The following PHF24 variants were observed in gnomAD, a reference collection of about 807,000 sequenced individuals.
PHF24 encodes the protein PHD finger protein 24, also known as Galpha inhibitory interacting protein.
PHF24 carries 25 observed loss-of-function variants against 42.6 expected under a neutral mutation model. That is an observed-to-expected ratio of 0.59 (90% CI 0.43 to 0.82). PHF24 has a LOEUF of 0.82. Among genes scored for constraint, PHF24 ranks in the 40% least tolerant of loss-of-function variants. The pLI is 0.00. For missense variants in PHF24, 470 were observed against 538.1 expected (o/e 0.87, Z 1.25); for synonymous variants, 185 against 204.8 (o/e 0.90, Z 0.83).
chr9:34,673,061 C>T, the PHF24 span, among the ~76,000 whole-genome samples: 1 of 152,138 alleles, frequency 6.6e-6, no homozygotes, highest in Admixed American at 6.6e-5. Context: ...GAGATCCCTA[C>T]ACAAAAAGAT....
the PHF24 span, among the ~76,000 whole-genome samples, chr9:34,831,596 T>C: frequency 6.6e-6 from 1 of 152,184 alleles, no homozygotes; most frequent in Non-Finnish European, 1.5e-5. Flanking sequence ...CTCCTGGCTC[T>C]AGGCTCATTT....
the PHF24 span, among the ~76,000 whole-genome samples, chr9:34,694,721 G>A: frequency 6.6e-6 from 1 of 152,022 alleles, no homozygotes; most frequent in Non-Finnish European, 1.5e-5. Flanking sequence ...CACCCGCCTC[G>A]GCCTCCCAAA....
At chr9:34,850,029 T>C in the PHF24 span, among the ~76,000 whole-genome samples, 1 of 152,268 alleles carries the variant, frequency 6.6e-6, no homozygotes, top group Non-Finnish European at 1.5e-5. Flanking sequence ...CTGGCTGCCC[T>C]TAACATTTTT....
chr9:34,976,117 G>A (rs1476439248), intron 3 of PHF24, 35 bp from the exon 4 acceptor site: 3 of 1,519,748 alleles, frequency 2.0e-6, no homozygotes, highest in African/African-American at 1.4e-5. Context: ...TTACTGGCCT[G>A]TATGGCCACC....
the PHF24 span, among the ~76,000 whole-genome samples, chr9:34,939,260 C>A: frequency 6.6e-6 from 1 of 152,150 alleles, no homozygotes; most frequent in African/African-American, 2.4e-5. Flanking sequence ...GCCTGGGCAA[C>A]AAGAGCGAAA....
the PHF24 span, among the ~76,000 whole-genome samples, chr9:34,872,427 G>A: frequency 0.95 from 135,353 of 142,012 alleles, 64,690 homozygotes; most frequent in Non-Finnish European, 1. Context: ...TCATTGTTCA[G>A]TTCCCACCTA....
the PHF24 span, among the ~76,000 whole-genome samples, chr9:34,883,589 A>T: frequency 1.3e-5 from 2 of 152,260 alleles, no homozygotes; most frequent in Non-Finnish European, 2.9e-5. Context: ...GAAGACATTT[A>T]TGCAGCCAAC....
chr9:34,910,376 T>C, the PHF24 span, among the ~76,000 whole-genome samples: 3 of 152,200 alleles, frequency 2.0e-5, no homozygotes, highest in Non-Finnish European at 4.4e-5. Context: ...GTGCATACTC[T>C]AGGAATAACT....
the PHF24 span, among the ~76,000 whole-genome samples, chr9:34,866,547 C>T: frequency 2.6e-5 from 4 of 151,972 alleles, no homozygotes; most frequent in Non-Finnish European, 5.9e-5. Context: ...AGAACCAGGG[C>T]CTATAAAAAA....
the PHF24 span, chr9:34,724,358 A>G: frequency 6.4e-7 from 1 of 1,551,014 alleles, no homozygotes; most frequent in Non-Finnish European, 8.7e-7. Flanking sequence ...CTGTTCTTTA[A>G]GGTGAACCCC....
At chr9:34,858,043 A>T in the PHF24 span, among the ~76,000 whole-genome samples, 1 of 147,000 alleles carries the variant, frequency 6.8e-6, no homozygotes. Flanking sequence ...TTTGTCAGAT[A>T]GTTCATAAAT....
the PHF24 span, among the ~76,000 whole-genome samples, chr9:34,703,805 G>C: frequency 6.6e-6 from 1 of 151,652 alleles, no homozygotes; most frequent in African/African-American, 2.4e-5. Context: ...GGCTTAAGCC[G>C]TTCTCCTACC....
chr9:34,727,516 G>A, the PHF24 span, among the ~76,000 whole-genome samples: 3 of 152,190 alleles, frequency 2.0e-5, no homozygotes, highest in South Asian at 6.2e-4. Context: ...AGCTCTTAAG[G>A]AGAGGATAAT....
chr9:34,889,756 C>T, the PHF24 span: 2 of 397,192 alleles, frequency 5.0e-6, no homozygotes, highest in African/African-American at 4.1e-5. Context: ...AAACATGGCC[C>T]TGAACTATTT....
the PHF24 span, among the ~76,000 whole-genome samples, chr9:34,822,560 A>C: frequency 1.3e-5 from 2 of 152,232 alleles, 1 homozygote; most frequent in Non-Finnish European, 2.9e-5. Flanking sequence ...CGTACTTCCA[A>C]GAAAGGCAGG....
the PHF24 span, among the ~76,000 whole-genome samples, chr9:34,751,210 CA>C: frequency 0.29 from 43,856 of 151,852 alleles, 6,787 homozygotes; most frequent in Admixed American, 0.35. Context: ...ACTAAAAATA[CA>C]AAAATTAGCC....
chr9:34,875,946 A>ACTCTCTCT, the PHF24 span, among the ~76,000 whole-genome samples: 10 of 88,988 alleles, frequency 1.1e-4, no homozygotes, highest in African/African-American at 5.0e-4. Context: ...ACACACACAC[A>ACTCTCTCT]CACACTCTCT....
the PHF24 span, among the ~76,000 whole-genome samples, chr9:34,715,687 G>A: frequency 6.6e-6 from 1 of 152,174 alleles, no homozygotes; most frequent in Admixed American, 6.5e-5. Flanking sequence ...GGATAAAGGA[G>A]GTACACATGG....
At chr9:34,821,548 A>G in the PHF24 span, among the ~76,000 whole-genome samples, 1 of 152,172 alleles carries the variant, frequency 6.6e-6, no homozygotes, top group East Asian at 1.9e-4. Flanking sequence ...TACTGGCTCA[A>G]CTTGCTGGTG....
Sources: gnomAD v4.1 joint callset for allele counts (sites outside exome capture counted in the v4.1 genomes callset) on GRCh38, gnomAD v4.1.1 for gene constraint, MANE v1.5 for transcripts, NCBI Gene and HGNC (gene_info 2026-07-23, HGNC 2026-07-21) for gene names.